Variants in UNC13C observed in about 807,000 individuals in gnomAD.
UNC13C encodes protein unc-13 homolog C.
In UNC13C, 174 loss-of-function variants were observed where a neutral mutation model predicts 245.4. The observed-to-expected ratio is 0.71, with a 90% CI of 0.63 to 0.80. The LOEUF is 0.80. UNC13C is among the 30% of genes least tolerant of loss of function. UNC13C has a pLI of 0.00. For synonymous variants in UNC13C, 992 were observed against 895.1 expected (o/e 1.11, Z -1.93); for missense variants, 2,829 against 2,602.9 (o/e 1.09, Z -1.89).
At chr15:54,323,279 C>T (rs2038213279) in intron 14 of UNC13C, among the ~76,000 whole-genome samples, 1 of 151,714 alleles carries the variant, frequency 6.6e-6, no homozygotes, top group Admixed American at 6.6e-5. Context: ...GAAATGCATG[C>T]GAGGTGTATG....
chr15:54,149,854 C>T (rs1245317784), intron 4 of UNC13C, among the ~76,000 whole-genome samples: 1 of 152,160 alleles, frequency 6.6e-6, no homozygotes, highest in African/African-American at 2.4e-5. Context: ...AAGATCACAA[C>T]TGTTAATGTA....
intron 30 of UNC13C, among the ~76,000 whole-genome samples, chr15:54,596,808 T>G (rs1346011284): frequency 2.0e-5 from 3 of 152,126 alleles, no homozygotes; most frequent in Non-Finnish European, 4.4e-5. Context: ...TTTTGCAATG[T>G]GACACAGCTA....
chr15:54,376,646 A>T (rs769307308), intron 17 of UNC13C, among the ~76,000 whole-genome samples: 11 of 152,218 alleles, frequency 7.2e-5, no homozygotes, highest in Admixed American at 4.6e-4. Flanking sequence ...ATGTGATCCC[A>T]GGAAAGAGAA....
intron 24 of UNC13C, among the ~76,000 whole-genome samples, chr15:54,516,698 G>C (rs1262111537): frequency 1.3e-5 from 2 of 151,770 alleles, no homozygotes; most frequent in Non-Finnish European, 2.9e-5. Flanking sequence ...TACTCAGGAG[G>C]CTGAAGCGGG....
chr15:54,013,134 T>C lies in UNC13C; in HGVS notation c.231T>C (p.Thr77=). 6.2e-7 allele frequency: 1 copy of C among 1,613,876 alleles called. No individual in the cohort carries two copies. Among genetic ancestry groups the C allele is most frequent in the Admixed American group, 1.7e-5 (1 of 59,964 alleles). ...GTTCATCCACTCACAACTTATCCACTGAGGAAGACGAGGCCAGTAAAGAGT... is the reference window on the plus strand; with the variant it reads ...GTTCATCCACTCACAACTTATCCACCGAGGAAGACGAGGCCAGTAAAGAGT... The part of the protein sequence containing the change: ...AKCSSTHNLS[T]EEDEASKEFS... The change falls in exon 2 of 33, where the codon ACT becomes ACC. Residue 77 remains threonine (T), a synonymous_variant. Transcript: ENST00000260323.
intron 9 of UNC13C, among the ~76,000 whole-genome samples, chr15:54,265,093 A>G (rs775767136): frequency 2.4e-4 from 37 of 152,104 alleles, no homozygotes; most frequent in Non-Finnish European, 4.6e-4. Context: ...AGTAATGTGT[A>G]TGAGTATATA....
At chr15:54,567,643 G>C (rs1331062578) in intron 29 of UNC13C, among the ~76,000 whole-genome samples, 157 bp from the exon 30 acceptor site, 1 of 152,146 alleles carries the variant, frequency 6.6e-6, no homozygotes, top group African/African-American at 2.4e-5. Context: ...TGAATTAGAC[G>C]TTAATAACTT....
intron 4 of UNC13C, among the ~76,000 whole-genome samples, chr15:54,161,896 C>T (rs2032992179): frequency 6.6e-6 from 1 of 151,912 alleles, no homozygotes; most frequent in Non-Finnish European, 1.5e-5. Flanking sequence ...TGCAGTGAGC[C>T]GAGATTGCGC....
intron 10 of UNC13C, among the ~76,000 whole-genome samples, chr15:54,293,230 C>A (rs979955846): frequency 7.9e-5 from 12 of 151,718 alleles, no homozygotes; most frequent in African/African-American, 2.9e-4. Context: ...GGCAAAGAAG[C>A]CTAGGGAAGA....
intron 10 of UNC13C, among the ~76,000 whole-genome samples, chr15:54,289,963 A>G (rs184835965): frequency 1.3e-5 from 2 of 152,090 alleles, no homozygotes; most frequent in Non-Finnish European, 2.9e-5. Flanking sequence ...GAGCAATACA[A>G]GGAGGGATCT....
intron 17 of UNC13C, among the ~76,000 whole-genome samples, chr15:54,358,873 G>C (rs2039161271): frequency 6.6e-6 from 1 of 151,936 alleles, no homozygotes; most frequent in South Asian, 2.1e-4. Flanking sequence ...AGTGAAAGTG[G>C]ACATCCTTAT....
At chr15:54,473,560 G>A (rs1436111806) in intron 19 of UNC13C, among the ~76,000 whole-genome samples, 1 of 151,582 alleles carries the variant, frequency 6.6e-6, no homozygotes, top group Admixed American at 6.6e-5. Flanking sequence ...CTAACTCCAT[G>A]AAATCAGCGA....
chr15:54,185,923 G>A (rs1184569228), intron 4 of UNC13C, among the ~76,000 whole-genome samples: 2 of 151,516 alleles, frequency 1.3e-5, no homozygotes, highest in African/African-American at 4.9e-5. Context: ...TCTTCCATTT[G>A]TTTGTATCCT....
At chr15:54,090,451 T>A (rs1433169897) in intron 2 of UNC13C, among the ~76,000 whole-genome samples, 1 of 152,188 alleles carries the variant, frequency 6.6e-6, no homozygotes, top group African/African-American at 2.4e-5. Flanking sequence ...TTGCTCATAA[T>A]CCTCACAACC....
At chr15:54,348,236 G>A (rs904562013) in intron 17 of UNC13C, among the ~76,000 whole-genome samples, 2 of 152,050 alleles carry the variant, frequency 1.3e-5, no homozygotes, top group Non-Finnish European at 1.5e-5. Flanking sequence ...ATTCGGTATG[G>A]TCTCTTAAAG....
At chr15:54,135,349 T>G (rs1258203993) in intron 2 of UNC13C, among the ~76,000 whole-genome samples, 1 of 152,224 alleles carries the variant, frequency 6.6e-6, no homozygotes. Context: ...ATTTCCAGTG[T>G]CATATCCAAG....
the UNC13C span, among the ~76,000 whole-genome samples, chr15:53,903,739 A>C: frequency 2.0e-5 from 3 of 152,200 alleles, no homozygotes; most frequent in Admixed American, 1.3e-4. Context: ...TTGGAGGTCG[A>C]AGGGCTGTGT....
intron 30 of UNC13C, among the ~76,000 whole-genome samples, chr15:54,597,445 G>A (rs1020899166): frequency 6.6e-6 from 1 of 152,152 alleles, no homozygotes; most frequent in Non-Finnish European, 1.5e-5. Flanking sequence ...GTGCATGTAA[G>A]GGGTTTATTT....
the UNC13C span, among the ~76,000 whole-genome samples, chr15:53,848,186 A>G: frequency 6.6e-6 from 1 of 151,720 alleles, no homozygotes; most frequent in African/African-American, 2.4e-5. Context: ...TTATCTATTT[A>G]CTTTTGTTTC....
Sources: allele counts gnomAD v4.1 joint callset (sites outside exome capture counted in the v4.1 genomes callset), GRCh38; gene constraint gnomAD v4.1.1; transcripts MANE v1.5; gene names NCBI Gene and HGNC (gene_info 2026-07-23, HGNC 2026-07-21).